HTR1F: variants seen among roughly 807,000 people sequenced by gnomAD.
The protein encoded by HTR1F is 5-hydroxytryptamine receptor 1F.
HTR1F carries 17 observed loss-of-function variants against 24.0 expected under a neutral mutation model. The observed-to-expected ratio is 0.71, with a 90% confidence interval of 0.48 to 1.06. The LOEUF is 1.06. HTR1F is among the 50% of genes least tolerant of loss of function. The probability of loss-of-function intolerance (pLI) is 0.00; values close to 1 mark genes in which losing one functional copy is unlikely to be tolerated. For missense variants in HTR1F, 391 were observed against 427.8 expected, an observed-to-expected ratio of 0.91 and a Z score of 0.76; for synonymous variants, 186 against 156.8, an observed-to-expected ratio of 1.19 and a Z score of -1.39.
intron 2 of HTR1F, among the ~76,000 whole-genome samples, chr3:87,938,357 T>C (rs980631918): frequency 3.3e-5 from 5 of 152,284 alleles, no homozygotes; most frequent in Non-Finnish European, 7.4e-5. Flanking sequence ...AAACTGGCCA[T>C]ACTGCTCAAA....
At chr3:87,948,559 G>A (rs950182394) in intron 2 of HTR1F, among the ~76,000 whole-genome samples, 4 of 151,662 alleles carry the variant, frequency 2.6e-5, no homozygotes, top group African/African-American at 9.7e-5. Context: ...ACAGCTCACT[G>A]CAACCTTGAC....
intron 2 of HTR1F, among the ~76,000 whole-genome samples, chr3:87,923,702 A>G (rs1704061470): frequency 6.6e-6 from 1 of 152,040 alleles, no homozygotes; most frequent in African/African-American, 2.4e-5. Flanking sequence ...AGTTTTTATA[A>G]TAAAAAGATA....
chr3:87,919,580 A>G (rs1703967309), intron 2 of HTR1F, among the ~76,000 whole-genome samples: 1 of 152,162 alleles, frequency 6.6e-6, no homozygotes, highest in South Asian at 2.1e-4. Context: ...ACAATTCTCA[A>G]AAGAAGATAT....
chr3:87,934,632 C>T (rs1477226920), intron 2 of HTR1F, among the ~76,000 whole-genome samples: 1 of 152,150 alleles, frequency 6.6e-6, no homozygotes, highest in Non-Finnish European at 1.5e-5. Flanking sequence ...ATCTCTGACT[C>T]CTTTGTTGAT....
chr3:87,908,883 T>G (rs1208759222), intron 2 of HTR1F, among the ~76,000 whole-genome samples: 2 of 152,098 alleles, frequency 1.3e-5, no homozygotes, highest in Non-Finnish European at 2.9e-5. Context: ...TATTTTGTTC[T>G]TTTTAGAGGA....
intron 1 of HTR1F, among the ~76,000 whole-genome samples, chr3:87,821,736 C>T (rs565293509): frequency 6.6e-6 from 1 of 151,964 alleles, no homozygotes; most frequent in African/African-American, 2.4e-5. Context: ...TAGTAATAAA[C>T]GTTAATTACA....
intron 2 of HTR1F, among the ~76,000 whole-genome samples, chr3:87,933,830 A>G (rs896252101): frequency 3.3e-5 from 5 of 152,190 alleles, no homozygotes; most frequent in African/African-American, 1.2e-4. Context: ...ACTAACACAT[A>G]AAGAGATTAA....
At chr3:87,852,131 T>C (rs762335168) in intron 2 of HTR1F, among the ~76,000 whole-genome samples, 3 of 151,702 alleles carry the variant, frequency 2.0e-5, no homozygotes, top group Non-Finnish European at 4.4e-5. Flanking sequence ...AATTTCATTA[T>C]ATTTTTATGT....
chr3:87,991,312 G>C lies in HTR1F; in HGVS notation c.563G>C (p.Gly188Ala). Residue 188 changes from glycine (G) to alanine (A), a missense_variant, in exon 3 of 3, where the codon GGA (glycine) becomes GCA (alanine). Physicochemically the swap from Gly to Ala is moderately conservative, Grantham distance 60. Coordinates refer to ENST00000319595, the MANE Select transcript of HTR1F (RefSeq NM_001322209.2). ...GTTTCCACCATTTACTCAACATTTG[G>C]AGCTTTCTACATCCCACTGGCATTG... is the stretch of plus-strand genomic sequence containing the variant. ...HIVSTIYSTF[G>A]AFYIPLALIL... 6.2e-7 allele frequency: 1 copy of C among 1,613,842 alleles called. No homozygotes were observed. The highest frequency in any genetic ancestry group is 1.1e-5 in the South Asian group (1 of 91,070).
rs1387566764 is a variant in HTR1F at position 87,958,906 on chromosome 3, C to G, written c.-42-31802C>G. Among the ~76,000 whole-genome samples the G allele has an allele frequency of 2.0e-5, 3 of 151,522 alleles. No homozygotes were observed. In the East Asian group the frequency reaches 5.8e-4, roughly 29 times the overall value. ...CCACTTTCTCAACCACCACCACCAC[C>G]ATGCATTTGGTACTCCATCTTCCTC... is the stretch of plus-strand genomic sequence containing the variant. On this transcript the variant is annotated intron_variant, in intron 2 of 2. Transcript: ENST00000319595.
chr3:87,882,302 T>A (rs1467061883), intron 2 of HTR1F, among the ~76,000 whole-genome samples: 1 of 152,220 alleles, frequency 6.6e-6, no homozygotes, highest in African/African-American at 2.4e-5. Context: ...AGTGTGGTGA[T>A]TCCTCAGGGA....
chr3:87,802,689 A>G lies in HTR1F; in HGVS notation c.-160+9847A>G, dbSNP rs1431592724. On this transcript the variant is annotated intron_variant, in intron 1 of 2. Transcript: ENST00000319595. ...ATTATCATAGGAAGCAAAATTCCTG[A>G]CCAGTGTATTAATAGCTAAGTAACA... Among the ~76,000 whole-genome samples the G allele has an allele frequency of 2.6e-5, 4 of 152,234 alleles. No homozygotes were observed. The South Asian group carries it at 8.3e-4, about 32-fold the overall frequency.
intron 2 of HTR1F, among the ~76,000 whole-genome samples, chr3:87,909,371 C>A (rs1422641460): frequency 1.3e-5 from 2 of 152,018 alleles, no homozygotes; most frequent in Admixed American, 1.3e-4. Flanking sequence ...ATTACAAAAT[C>A]TTTCTTCATG....
chr3:87,804,812 T>G lies in HTR1F; in HGVS notation c.-160+11970T>G, dbSNP rs73845073. ...GTTTAACAATTCAACTTTTTTACTT[T>G]GGTTTGGTTTTGGTTTTATGAAACC... On this transcript the variant is annotated intron_variant, in intron 1 of 2. Coordinates refer to ENST00000319595, the MANE Select transcript of HTR1F (RefSeq NM_001322209.2). Among the ~76,000 whole-genome samples, 959 of 152,258 alleles carry G rather than the reference T, an allele frequency of 6.3e-3. 10 individuals carry two copies. Among genetic ancestry groups the G allele is most frequent in the African/African-American group, 0.022 (919 of 41,568 alleles).
intron 2 of HTR1F, among the ~76,000 whole-genome samples, chr3:87,949,853 T>C (rs1460840475): frequency 1.3e-5 from 2 of 152,232 alleles, no homozygotes; most frequent in African/African-American, 4.8e-5. Flanking sequence ...TTGAACAATG[T>C]CTTGGTCTAC....
chr3:87,831,507 C>A (rs11128008), intron 2 of HTR1F, among the ~76,000 whole-genome samples: 9,265 of 151,786 alleles, frequency 0.061, 413 homozygotes, highest in East Asian at 0.16. Context: ...GGATTACAGG[C>A]GCCGGCCACC....
At chr3:87,913,277 G>A (rs528447819) in intron 2 of HTR1F, among the ~76,000 whole-genome samples, 7 of 152,054 alleles carry the variant, frequency 4.6e-5, no homozygotes, top group African/African-American at 1.7e-4. Context: ...AGGACAAAGG[G>A]CATGAACAGA....
rs551780943 is a variant in HTR1F, at chr3:87,841,173, T to G, written c.-43+19049T>G. The stretch of plus-strand genomic sequence containing the variant: ...ACATCATACACTCATAGCAAAACAT[T>G]ACACTGTACCCCATAAATATATAAT... On this transcript the variant is annotated intron_variant, in intron 2 of 2. Transcript: ENST00000319595. 3.4e-4 allele frequency among the ~76,000 whole-genome samples: 51 copies of G among 152,028 alleles called. No homozygotes were observed. In the South Asian group the frequency reaches 6.8e-3, roughly 20 times the overall value.
chr3:87,808,419 A>G (rs554177074), intron 1 of HTR1F, among the ~76,000 whole-genome samples: 2 of 151,916 alleles, frequency 1.3e-5, no homozygotes, highest in Admixed American at 1.3e-4. Context: ...TGTTCATAAT[A>G]GTGCCTGATG....
Sources: gnomAD v4.1 joint callset for allele counts (sites outside exome capture counted in the v4.1 genomes callset) on GRCh38, gnomAD v4.1.1 for gene constraint, MANE v1.5 for transcripts, NCBI Gene and HGNC (gene_info 2026-07-23, HGNC 2026-07-21) for gene names.